MARCHF8: variants seen among roughly 807,000 people sequenced by gnomAD.
The protein encoded by MARCHF8 is E3 ubiquitin-protein ligase MARCHF8.
Under a neutral mutation model 51.6 loss-of-function variants are expected in MARCHF8, and 40 were observed. That is an observed-to-expected ratio of 0.77 (90% confidence interval 0.60 to 1.01). The LOEUF (loss-of-function observed/expected upper bound fraction) is 1.01, where lower values mean the gene tolerates loss of function less well. Ranked by LOEUF, MARCHF8 falls within the 50% of genes least tolerant of loss-of-function variation. MARCHF8 has a pLI of 0.00. For synonymous variants in MARCHF8, 263 were observed against 280.3 expected (o/e 0.94, Z 0.62); for missense variants, 685 against 708.6 (o/e 0.97, Z 0.38).
intron 2 of MARCHF8, among the ~76,000 whole-genome samples, chr10:45,502,837 CAATAA>C (rs1263676702): frequency 6.6e-6 from 1 of 152,066 alleles, no homozygotes; most frequent in African/African-American, 2.4e-5. Context: ...TGTATATCAG[CAATAA>C]AGAAAGAGCA....
intron 1 of MARCHF8, among the ~76,000 whole-genome samples, chr10:45,593,855 C>G (rs559727259): frequency 6.6e-6 from 1 of 152,296 alleles, no homozygotes; most frequent in African/African-American, 2.4e-5. Flanking sequence ...GCAAAGAATT[C>G]ATTTTCCAGA....
chr10:45,470,105 C>T (rs1364269936), intron 3 of MARCHF8, among the ~76,000 whole-genome samples: 7 of 152,114 alleles, frequency 4.6e-5, no homozygotes, highest in African/African-American at 1.7e-4. Flanking sequence ...AAAGCATTTG[C>T]CACCCATATA....
intron 2 of MARCHF8, among the ~76,000 whole-genome samples, chr10:45,519,382 G>C (rs557607038): frequency 1.2e-3 from 176 of 152,270 alleles, no homozygotes; most frequent in Middle Eastern, 3.4e-3. Context: ...AATGAGAACA[G>C]AAAGGAAGGA....
intron 1 of MARCHF8, among the ~76,000 whole-genome samples, chr10:45,592,347 A>G (rs2044690062): frequency 6.6e-6 from 1 of 152,346 alleles, no homozygotes; most frequent in East Asian, 1.9e-4. Flanking sequence ...GAACAAAATT[A>G]GAAGCCATAA....
chr10:45,562,605 A>G (rs1347208773), intron 1 of MARCHF8, among the ~76,000 whole-genome samples: 2 of 152,226 alleles, frequency 1.3e-5, no homozygotes, highest in East Asian at 3.8e-4. Flanking sequence ...TGACCAGCAG[A>G]TGATCACTAA....
chr10:45,489,391 C>T lies in MARCHF8; in HGVS notation c.129G>A (p.Met43Ile), dbSNP rs752431172. The T allele has an allele frequency of 1.2e-6, 2 of 1,612,826 alleles. No individual in the cohort carries two copies. The highest frequency in any genetic ancestry group is 1.7e-6 in the Non-Finnish European group (2 of 1,179,448). ...CCTTAGAAATGTTGCTTGAATGACT[C>T]ATGAAATGTCCCAAAGTCTTCTCAT... ...EQNEKTLGHF[M>I]SHSSNISKAG... The change falls in exon 3 of 8, where the codon ATG becomes ATA. Residue 43 changes from methionine (M) to isoleucine (I), a missense_variant. Met to Ile is a conservative substitution (Grantham distance 10, BLOSUM62 1). Coordinates refer to ENST00000453424, the MANE Select transcript of MARCHF8 (RefSeq NM_001282866.2).
Position 45,470,286 on chromosome 10 carries a change from G to C in MARCHF8, c.154-5959C>G, listed in dbSNP as rs1843128189. On this transcript the variant is annotated intron_variant, in intron 3 of 7. Transcript: ENST00000453424. Reference sequence around the variant, plus strand: ...AGGACTGCGTTTACACATTCTCTCAGGTTGTTGGCAGAACACAGCTCCCTA... The same window carrying C: ...AGGACTGCGTTTACACATTCTCTCACGTTGTTGGCAGAACACAGCTCCCTA... Among the ~76,000 whole-genome samples the C allele has an allele frequency of 6.6e-5, 10 of 152,166 alleles. No individual in the cohort carries two copies. In the South Asian group the frequency reaches 2.1e-3, roughly 32 times the overall value.
chr10:45,563,328 C>T (rs1292902899), intron 1 of MARCHF8, among the ~76,000 whole-genome samples: 16 of 152,050 alleles, frequency 1.1e-4, no homozygotes, highest in Non-Finnish European at 2.2e-4. Context: ...CGCCCAGCCC[C>T]GATTTTTCTT....
At chr10:45,524,464 A>G (rs1301993123) in intron 2 of MARCHF8, among the ~76,000 whole-genome samples, 2 of 152,230 alleles carry the variant, frequency 1.3e-5, no homozygotes, top group East Asian at 3.8e-4. Context: ...GTATGAGAAA[A>G]TTAATCTCTT....
intron 1 of MARCHF8, among the ~76,000 whole-genome samples, chr10:45,561,900 C>CAAAA (rs34329041): frequency 3.4e-4 from 14 of 41,328 alleles, no homozygotes; most frequent in East Asian, 6.1e-4. Flanking sequence ...GACTCCGTCT[C>CAAAA]AAAAAAAAAA....
At chr10:45,528,525 T>C (rs1481830965) in intron 2 of MARCHF8, among the ~76,000 whole-genome samples, 1 of 152,186 alleles carries the variant, frequency 6.6e-6, no homozygotes, top group Admixed American at 6.5e-5. Flanking sequence ...AGTGGCGCAG[T>C]CATAGCTTAG....
chr10:45,490,567 AT>A (rs1270528002), intron 2 of MARCHF8, among the ~76,000 whole-genome samples: 1 of 152,184 alleles, frequency 6.6e-6, no homozygotes, highest in Non-Finnish European at 1.5e-5. Context: ...CCGTATGGCA[AT>A]TTGTTATGGC....
At chr10:45,470,920 T>C (rs1383584832) in intron 3 of MARCHF8, among the ~76,000 whole-genome samples, 2 of 152,334 alleles carry the variant, frequency 1.3e-5, no homozygotes, top group South Asian at 2.1e-4. Flanking sequence ...AAATACCCAG[T>C]TGTATTCAAC....
At chr10:45,548,572 A>G (rs2044155740) in intron 1 of MARCHF8, among the ~76,000 whole-genome samples, 1 of 152,244 alleles carries the variant, frequency 6.6e-6, no homozygotes, top group Non-Finnish European at 1.5e-5. Flanking sequence ...ATAGAATGCA[A>G]AAATACTGAA....
intron 2 of MARCHF8, among the ~76,000 whole-genome samples, chr10:45,492,709 C>T (rs1362899385): frequency 6.6e-6 from 1 of 152,224 alleles, no homozygotes; most frequent in Non-Finnish European, 1.5e-5. Context: ...ATCAGTCATT[C>T]TTTCCACACT....
intron 3 of MARCHF8, among the ~76,000 whole-genome samples, chr10:45,481,809 G>C (rs1169137329): frequency 2.0e-5 from 3 of 152,170 alleles, no homozygotes; most frequent in South Asian, 4.1e-4. Flanking sequence ...CACAGTACTG[G>C]AAGTCCTAGT....
At chr10:45,511,583 C>T (rs1173881783) in intron 2 of MARCHF8, among the ~76,000 whole-genome samples, 1 of 152,198 alleles carries the variant, frequency 6.6e-6, no homozygotes, top group Non-Finnish European at 1.5e-5. Flanking sequence ...GGTTTTCTTA[C>T]TTTTTTGGTG....
Position 45,533,280 on chromosome 10 carries a change from G to A in MARCHF8, c.-69C>T. On this transcript the variant is annotated 5_prime_UTR_variant, in exon 2 of 8. Coordinates refer to ENST00000453424, the MANE Select transcript of MARCHF8 (RefSeq NM_001282866.2). ...CACTGGTAGAGTCATTTTGGGCCAT[G>A]GATTTCAAGCTGAGAGAAAATGAAG... 2 of 1,509,248 alleles carry A rather than the reference G, an allele frequency of 1.3e-6. No homozygotes were observed. The highest frequency in any genetic ancestry group is 1.8e-6 in the Non-Finnish European group (2 of 1,131,776). The allele number at this position is 1,509,248 out of a possible 1,614,324, so 93.5% of individuals were successfully genotyped here.
chr10:45,553,670 G>C (rs757965754), intron 1 of MARCHF8, among the ~76,000 whole-genome samples: 8 of 152,134 alleles, frequency 5.3e-5, no homozygotes, highest in Non-Finnish European at 8.8e-5. Flanking sequence ...CAATGAAATA[G>C]ACAAAAAGGC....
Sources: gnomAD v4.1 joint callset for allele counts (sites outside exome capture counted in the v4.1 genomes callset) on GRCh38, gnomAD v4.1.1 for gene constraint, MANE v1.5 for transcripts, NCBI Gene and HGNC (gene_info 2026-07-23, HGNC 2026-07-21) for gene names.